Variants in ACKR2 observed in about 807,000 individuals in gnomAD.
ACKR2 encodes the protein atypical chemokine receptor 2, also known as C-C chemokine receptor D6.
For missense variants in ACKR2, 457 were observed against 477.3 expected, an observed-to-expected ratio of 0.96 and a Z score of 0.40; for synonymous variants, 207 against 192.2, an observed-to-expected ratio of 1.08 and a Z score of -0.64.
At chr3:42,853,437 T>C (rs1701184631) in intron 2 of ACKR2, among the ~76,000 whole-genome samples, 1 of 152,162 alleles carries the variant, frequency 6.6e-6, no homozygotes. Flanking sequence ...TTGTTATTAT[T>C]GTTATTTTTT....
chr3:42,817,464 A>G (rs1697828184), intron 1 of ACKR2, among the ~76,000 whole-genome samples: 1 of 151,608 alleles, frequency 6.6e-6, no homozygotes, highest in Non-Finnish European at 1.5e-5. Flanking sequence ...GGTTTTGGGT[A>G]CCCTCCTCCC....
At chr3:42,845,564 G>C (rs1372227133) in intron 2 of ACKR2, among the ~76,000 whole-genome samples, 1 of 152,052 alleles carries the variant, frequency 6.6e-6, no homozygotes, top group African/African-American at 2.4e-5. Context: ...GGGTTTCACT[G>C]TGTTAGCCAA....
At chr3:42,862,238 A>G (rs543409371) in intron 2 of ACKR2, among the ~76,000 whole-genome samples, 1 of 152,182 alleles carries the variant, frequency 6.6e-6, no homozygotes, top group Non-Finnish European at 1.5e-5. Flanking sequence ...AGAGCTAAAT[A>G]ATGAGTGAAC....
intron 2 of ACKR2, chr3:42,856,290 G>A (rs2088320851): frequency 2.9e-6 from 2 of 686,198 alleles, no homozygotes; most frequent in Non-Finnish European, 5.3e-6. Flanking sequence ...ATCTGGTCCA[G>A]ATGCCATCGG....
intron 2 of ACKR2, among the ~76,000 whole-genome samples, chr3:42,859,044 G>A (rs976588312): frequency 1.3e-5 from 2 of 152,094 alleles, no homozygotes; most frequent in African/African-American, 2.4e-5. Context: ...CCAAGCCTAC[G>A]TTTGATTGGT....
intron 1 of ACKR2, among the ~76,000 whole-genome samples, chr3:42,812,338 C>T (rs552776369): frequency 3.3e-5 from 5 of 152,252 alleles, no homozygotes; most frequent in African/African-American, 9.6e-5. Flanking sequence ...TCTAATATTG[C>T]TTTATGAGAG....
intron 2 of ACKR2, among the ~76,000 whole-genome samples, chr3:42,831,443 G>T (rs1323865553): frequency 6.6e-6 from 1 of 152,208 alleles, no homozygotes; most frequent in Admixed American, 6.5e-5. Context: ...TCAGCAGGGG[G>T]CGCTGGAGGG....
At chr3:42,842,833 A>C (rs1245364956) in intron 2 of ACKR2, among the ~76,000 whole-genome samples, 2 of 151,796 alleles carry the variant, frequency 1.3e-5, no homozygotes, top group African/African-American at 4.8e-5. Context: ...AAATACAAAA[A>C]TTAGCCAGGT....
chr3:42,851,473 C>T (rs563139035), intron 2 of ACKR2: 163 of 980,368 alleles, frequency 1.7e-4, no homozygotes, highest in African/African-American at 1.4e-3. Context: ...TAGCCATACT[C>T]GGGGTGTGGG....
chr3:42,811,605 C>T (rs1457257731), intron 1 of ACKR2, among the ~76,000 whole-genome samples: 1 of 152,120 alleles, frequency 6.6e-6, no homozygotes, highest in African/African-American at 2.4e-5. Context: ...CAGCCTGTCA[C>T]CCGTAAAGGG....
At chr3:42,853,457 G>T (rs985631477) in intron 2 of ACKR2, among the ~76,000 whole-genome samples, 5 of 152,094 alleles carry the variant, frequency 3.3e-5, no homozygotes, top group Non-Finnish European at 2.9e-5. Flanking sequence ...TTGAGACAGG[G>T]TCTCGCTATG....
chr3:42,842,388 A>G (rs1023426119), intron 2 of ACKR2, among the ~76,000 whole-genome samples: 32 of 152,226 alleles, frequency 2.1e-4, no homozygotes, highest in African/African-American at 7.2e-4. Flanking sequence ...TGATTTATAG[A>G]AGATATATTT....
At chr3:42,825,223 C>T (rs143162040) in intron 2 of ACKR2, among the ~76,000 whole-genome samples, 1,807 of 152,184 alleles carry the variant, frequency 0.012, 28 homozygotes, top group African/African-American at 0.042. Flanking sequence ...TTATAATAAG[C>T]ATGTCTGTTT....
At chr3:42,860,451 A>G (rs2088374436) in intron 2 of ACKR2, among the ~76,000 whole-genome samples, 1 of 152,168 alleles carries the variant, frequency 6.6e-6, no homozygotes, top group South Asian at 2.1e-4. Flanking sequence ...GCAAGACAGA[A>G]AATTAACAAG....
chr3:42,839,733 T>A (rs1423533718), intron 2 of ACKR2, among the ~76,000 whole-genome samples: 1 of 151,836 alleles, frequency 6.6e-6, no homozygotes, highest in African/African-American at 2.4e-5. Flanking sequence ...TAAATCTGAG[T>A]GAGATGGGAG....
intron 1 of ACKR2, among the ~76,000 whole-genome samples, chr3:42,814,202 A>G (rs1231891965): frequency 6.6e-6 from 1 of 152,254 alleles, no homozygotes; most frequent in African/African-American, 2.4e-5. Flanking sequence ...ACACACTTAC[A>G]TCTTTCATAA....
chr3:42,828,093 T>TATA (rs1553699769), intron 2 of ACKR2, among the ~76,000 whole-genome samples: 1,934 of 70,516 alleles, frequency 0.027, 18 homozygotes, highest in African/African-American at 0.035. Flanking sequence ...TATATATATA[T>TATA]TTTTTTTTTT....
rs189308535 is a variant in ACKR2 at position 42,867,100 on chromosome 3, T to G, written c.*1443T>G. On this transcript the variant is annotated 3_prime_UTR_variant, in exon 3 of 3. Transcript: ENST00000422265. ...GTTACCCAGGTTGGACTGGAAACCC[T>G]TGGCTCAAGCAATTTGCCTGCCTCA... 1.2e-5 allele frequency: 2 copies of G among 166,454 alleles called. No homozygotes were observed. Among genetic ancestry groups the G allele is most frequent in the Admixed American group, 1.3e-4 (2 of 15,282 alleles). The allele number at this position is 166,454 out of a possible 1,614,324, so 10.3% of individuals were successfully genotyped here. A position where few individuals can be genotyped will look rare whatever the true frequency, so the allele number is the denominator to read the frequency against.
rs1467927823 is a variant in ACKR2 at position 42,865,766 on chromosome 3, T to G, written c.*109T>G. On this transcript the variant is annotated 3_prime_UTR_variant, in exon 3 of 3. Transcript: ENST00000422265. ...GTGACTGTGTTGCTAAACCCAGTGG[T>G]CAGTTCTCAGTTCTCAGCCATCAGC... 8.9e-6 allele frequency: 7 copies of G among 783,230 alleles called. No individual in the cohort carries two copies. The highest frequency in any genetic ancestry group is 1.4e-5 in the Non-Finnish European group (7 of 490,412). The allele number at this position is 783,230 out of a possible 1,614,324, so 48.5% of individuals were successfully genotyped here. A position where few individuals can be genotyped will look rare whatever the true frequency, so the allele number is the denominator to read the frequency against.
Sources: allele counts gnomAD v4.1 joint callset (sites outside exome capture counted in the v4.1 genomes callset), GRCh38; gene constraint gnomAD v4.1.1; transcripts MANE v1.5; gene names NCBI Gene and HGNC (gene_info 2026-07-23, HGNC 2026-07-21).